The following SHANK2 variants were observed in gnomAD, a reference collection of about 807,000 sequenced individuals.
SHANK2 encodes the protein SH3 and multiple ankyrin repeat domains 2, also known as SH3 and multiple ankyrin repeat domains protein 2.
Under a neutral mutation model 133.7 loss-of-function variants are expected in SHANK2, and 43 were observed. The observed-to-expected ratio is 0.32, with a 90% CI of 0.25 to 0.41. The LOEUF (loss-of-function observed/expected upper bound fraction) is 0.41, where lower values mean the gene tolerates loss of function less well. Ranked by LOEUF, SHANK2 falls within the 10% of genes least tolerant of loss-of-function variation. The pLI is 1.00. For synonymous variants in SHANK2, 1,017 were observed against 952.8 expected, an observed-to-expected ratio of 1.07 and a Z score of -1.24; for missense variants, 1,994 against 2,235.8, an observed-to-expected ratio of 0.89 and a Z score of 2.18.
intron 11 of SHANK2, among the ~76,000 whole-genome samples, chr11:70,828,653 A>G (rs1204781874): frequency 2.6e-5 from 4 of 152,194 alleles, no homozygotes; most frequent in African/African-American, 9.6e-5. Context: ...GTGAGTGTCT[A>G]GTTCATTGCC....
intron 11 of SHANK2, among the ~76,000 whole-genome samples, chr11:70,838,944 C>T (rs1476118419): frequency 6.6e-6 from 1 of 152,156 alleles, no homozygotes; most frequent in Non-Finnish European, 1.5e-5. Context: ...CCTCTTCTGT[C>T]AAGGGTCCCA....
chr11:71,058,831 C>T (rs1351571458), intron 9 of SHANK2, among the ~76,000 whole-genome samples: 2 of 152,274 alleles, frequency 1.3e-5, no homozygotes, highest in African/African-American at 4.8e-5. Flanking sequence ...AGCCCGGGCC[C>T]CGGGGGAACC....
intron 5 of SHANK2, among the ~76,000 whole-genome samples, chr11:71,110,346 G>A (rs369946620): frequency 1.3e-5 from 2 of 152,220 alleles, no homozygotes; most frequent in Non-Finnish European, 1.5e-5. Context: ...GTTGAGGCAG[G>A]AGAATGGCAT....
At chr11:71,078,705 A>G (rs976105911) in intron 8 of SHANK2, among the ~76,000 whole-genome samples, 256 of 152,342 alleles carry the variant, frequency 1.7e-3, no homozygotes, top group African/African-American at 5.8e-3. Context: ...AACACCCAGA[A>G]GTTACCACCC....
At chr11:70,618,667 C>A (rs1276948157) in intron 17 of SHANK2, among the ~76,000 whole-genome samples, 1 of 152,226 alleles carries the variant, frequency 6.6e-6, no homozygotes, top group African/African-American at 2.4e-5. Context: ...TTAACACCGA[C>A]TGGGAGAGCA....
chr11:71,237,371 A>G (rs1555123848), intron 1 of SHANK2, among the ~76,000 whole-genome samples: 1 of 152,164 alleles, frequency 6.6e-6, no homozygotes, highest in African/African-American at 2.4e-5. Context: ...AGCCATGCCC[A>G]TTCCCTCATG....
At chr11:71,192,106 C>G (rs1488122550) in intron 2 of SHANK2, among the ~76,000 whole-genome samples, 1 of 152,184 alleles carries the variant, frequency 6.6e-6, no homozygotes, top group Non-Finnish European at 1.5e-5. Context: ...AGTGATCCAT[C>G]CACCTCACCC....
At chr11:70,501,817 G>C in intron 20 of SHANK2, 106 bp downstream of exon 20, 1 of 1,173,694 alleles carries the variant, frequency 8.5e-7, no homozygotes. Context: ...GAGCCACGTG[G>C]GGAGCAGCTC....
chr11:70,949,255 C>T (rs994081840), intron 10 of SHANK2, among the ~76,000 whole-genome samples: 2 of 152,234 alleles, frequency 1.3e-5, no homozygotes, highest in South Asian at 4.1e-4. Context: ...ACCGCCCCTC[C>T]CGGCTCCGCC....
chr11:70,518,582 C>A (rs2059293685), intron 17 of SHANK2, among the ~76,000 whole-genome samples: 2 of 152,334 alleles, frequency 1.3e-5, no homozygotes, highest in East Asian at 1.9e-4. Flanking sequence ...CTTTGCAGTT[C>A]ATTTGCTGAA....
intron 14 of SHANK2, among the ~76,000 whole-genome samples, chr11:70,759,165 AAAACC>A (rs112523125): frequency 5.0e-4 from 74 of 146,826 alleles, no homozygotes; most frequent in Middle Eastern, 7.3e-3. Flanking sequence ...ACTCCATCAC[AAAACC>A]AAACCAAACC....
At chr11:70,678,392 C>T (rs903852900) in intron 15 of SHANK2, among the ~76,000 whole-genome samples, 2 of 152,148 alleles carry the variant, frequency 1.3e-5, no homozygotes, top group Admixed American at 1.3e-4. Context: ...CCTCAGCCTC[C>T]CAAGGTGCTG....
At chr11:70,637,588 G>A (rs184067463) in intron 17 of SHANK2, among the ~76,000 whole-genome samples, 38 of 152,320 alleles carry the variant, frequency 2.5e-4, no homozygotes, top group Non-Finnish European at 5.0e-4. Context: ...CCACTGCAGA[G>A]AGGGTGTGAC....
At position 70,882,728 on chromosome 11, in the gene SHANK2, C is replaced by T. The variant is rs184306735; in HGVS notation, c.1174+13773G>A. On this transcript the variant is annotated intron_variant, in intron 11 of 25. Coordinates refer to ENST00000601538, the MANE Select transcript of SHANK2 (RefSeq NM_012309.5). This position sits in a 1 kb window ranked among gnomAD's most constrained non-coding sequence, Gnocchi z 4.2. ...CGGCTTTGCTAAAAGGCGGCAGTGG[C>T]TTATCCTCATGTCCACAGGAAAGGC... 1.8e-4 allele frequency among the ~76,000 whole-genome samples: 28 copies of T among 152,340 alleles called. No individual in the cohort carries two copies. The East Asian group carries it at 5.4e-3, about 29-fold the overall frequency.
intron 21 of SHANK2, among the ~76,000 whole-genome samples, chr11:70,497,982 CTGT>C (rs2058995236): frequency 6.6e-6 from 1 of 152,264 alleles, no homozygotes; most frequent in African/African-American, 2.4e-5. Flanking sequence ...AGCTGTTTGC[CTGT>C]TGACTCTTCA....
At chr11:71,137,972 G>A (rs1320234478) in intron 3 of SHANK2, among the ~76,000 whole-genome samples, 2 of 151,486 alleles carry the variant, frequency 1.3e-5, no homozygotes, top group Non-Finnish European at 2.9e-5. Context: ...CACAATGGGC[G>A]GGCGCACACA....
At chr11:71,058,845 T>A (rs887593532) in intron 9 of SHANK2, among the ~76,000 whole-genome samples, 18 of 152,232 alleles carry the variant, frequency 1.2e-4, no homozygotes, top group Non-Finnish European at 1.9e-4. Flanking sequence ...GGGAACCCCA[T>A]CCCTGGGAAC....
At chr11:70,525,955 A>T (rs1297564679) in intron 17 of SHANK2, among the ~76,000 whole-genome samples, 1 of 151,828 alleles carries the variant, frequency 6.6e-6, no homozygotes, top group African/African-American at 2.4e-5. Flanking sequence ...CTCAGCCAGC[A>T]GGCCTCTCTC....
At chr11:70,558,296 C>CT (rs1214801965) in intron 17 of SHANK2, among the ~76,000 whole-genome samples, 3 of 152,254 alleles carry the variant, frequency 2.0e-5, no homozygotes, top group African/African-American at 7.2e-5. Flanking sequence ...ACACCTGTAC[C>CT]TGCCCTCTGG....
Sources: gnomAD v4.1 joint callset for allele counts (sites outside exome capture counted in the v4.1 genomes callset) on GRCh38, gnomAD v4.1.1 for gene constraint, Gnocchi (gnomAD v3.1) non-coding constraint, MANE v1.5 for transcripts, NCBI Gene and HGNC (gene_info 2026-07-23, HGNC 2026-07-21) for gene names.